MTHFD1: variants seen among roughly 807,000 people sequenced by gnomAD.
MTHFD1 encodes C-1-tetrahydrofolate synthase, cytoplasmic.
A neutral mutation model predicts 110.3 loss-of-function variants in MTHFD1; 44 were observed. That is an observed-to-expected ratio of 0.40 (90% CI 0.31 to 0.51). The LOEUF (loss-of-function observed/expected upper bound fraction) is 0.51. Among genes scored for constraint, MTHFD1 ranks in the 20% least tolerant of loss-of-function variants. MTHFD1 has a pLI of 0.60. For synonymous variants in MTHFD1, 402 were observed against 428.8 expected (o/e 0.94, Z 0.77); for missense variants, 909 against 1,173.1 (o/e 0.77, Z 3.29).
Position 64,417,958 on chromosome 14 carries a change from C to T in MTHFD1, c.549C>T (p.Asp183=). Residue 183 remains aspartate (D), a synonymous_variant, in exon 7 of 28, where the codon GAC becomes GAT. Transcript: ENST00000652337. This position sits in a 1 kb window ranked among gnomAD's most constrained non-coding sequence, Gnocchi z 4.4. Reference sequence around the variant, plus strand: ...AAATAGTTGGGGCCCCGATGCATGACTTGCTTCTGTGGAACAATGCCACAG... The same window carrying T: ...AAATAGTTGGGGCCCCGATGCATGATTTGCTTCTGTGGAACAATGCCACAG... The part of the protein sequence containing the change: ...RSKIVGAPMH[D]LLLWNNATVT... The T allele has an allele frequency of 6.2e-7, 1 of 1,614,028 alleles. No individual in the cohort carries two copies. Among genetic ancestry groups the T allele is most frequent in the South Asian group, 1.1e-5 (1 of 91,072 alleles).
At position 64,449,588 on chromosome 14, in the gene MTHFD1, C is replaced by T. The variant is rs981830328; in HGVS notation, c.2423C>T (p.Ala808Val). The T allele has an allele frequency of 2.5e-6, 4 of 1,614,066 alleles. No homozygotes were observed. Among genetic ancestry groups the T allele is most frequent in the Admixed American group, 1.7e-5 (1 of 60,018 alleles). Residue 808 changes from alanine to valine, a missense_variant, in exon 24 of 28, where the codon GCA (alanine) becomes GTA (valine). Physicochemically the swap from Ala to Val is moderately conservative, Grantham distance 64. Coordinates refer to ENST00000652337, the MANE Select transcript of MTHFD1 (RefSeq NM_005956.4). ...LAQAVQRAAQ[A>V]PSSFQLLYDL... The stretch of plus-strand genomic sequence containing the variant: ...CAGGCCGTCCAGAGAGCAGCACAAG[C>T]ACCCAGCAGCTTCCAGCTCCTTTAT...
intron 24 of MTHFD1, among the ~76,000 whole-genome samples, chr14:64,453,326 CT>C (rs1212963191): frequency 6.6e-6 from 1 of 152,178 alleles, no homozygotes; most frequent in South Asian, 2.1e-4. Context: ...AATCCCAGCA[CT>C]TTGGGAGGCC....
At chr14:64,421,654 C>T (rs1367750079) in intron 8 of MTHFD1, among the ~76,000 whole-genome samples, 12 of 149,872 alleles carry the variant, frequency 8.0e-5, no homozygotes, top group South Asian at 2.1e-4. Context: ...GACGGAGTCT[C>T]GCTCTGTTGC....
chr14:64,396,841 A>C (rs904764834), intron 1 of MTHFD1, among the ~76,000 whole-genome samples: 1 of 149,268 alleles, frequency 6.7e-6, no homozygotes, highest in Non-Finnish European at 1.5e-5. Context: ...GCCGTGGCTC[A>C]CTCCTGTAAT....
At position 64,417,949 on chromosome 14, in the gene MTHFD1, G is replaced by A. The variant is rs760268952; in HGVS notation, c.540G>A (p.Pro180=). The A allele has an allele frequency of 2.4e-5, 39 of 1,613,818 alleles. No homozygotes were observed. The highest frequency in any genetic ancestry group is 1.7e-4 in the Middle Eastern group (1 of 5,962). The stretch of plus-strand genomic sequence containing the variant: ...GGCGCAGTAAAATAGTTGGGGCCCC[G>A]ATGCATGACTTGCTTCTGTGGAACA... ...VVGRSKIVGA[P]MHDLLLWNNA... is the part of the protein sequence containing the mutation. Residue 180 remains proline (P), a synonymous_variant, in exon 7 of 28, where the codon CCG becomes CCA. Transcript: ENST00000652337. This position sits in a 1 kb window ranked among gnomAD's most constrained non-coding sequence, Gnocchi z 4.4.
intron 6 of MTHFD1, 107 bp downstream of exon 6, chr14:64,415,846 G>C: frequency 8.9e-7 from 1 of 1,127,736 alleles, no homozygotes; most frequent in East Asian, 2.5e-5. Context: ...AAATGGACTT[G>C]ATTGGCAGAA....
chr14:64,399,302 A>G (rs1167167530), intron 1 of MTHFD1, among the ~76,000 whole-genome samples: 1 of 152,240 alleles, frequency 6.6e-6, no homozygotes, highest in Non-Finnish European at 1.5e-5. Context: ...TTTGAATGCC[A>G]TCAACTAATA....
At chr14:64,456,183 T>TAAGGTGGAGAGAGACACAGCCTGC (rs2078470341) in intron 26 of MTHFD1, among the ~76,000 whole-genome samples, 2 of 151,320 alleles carry the variant, frequency 1.3e-5, no homozygotes, top group Non-Finnish European at 3.0e-5. Context: ...AGTCAGGCTG[T>TAAGGTGGAGAGAGACACAGCCTGC]AAGGTGGAGA....
At chr14:64,455,981 G>C (rs1403986220) in intron 26 of MTHFD1, among the ~76,000 whole-genome samples, 1 of 152,190 alleles carries the variant, frequency 6.6e-6, no homozygotes, top group Admixed American at 6.5e-5. Context: ...CCTTGTGGTA[G>C]GAATTTTCCA....
At chr14:64,397,134 AAAAAATATATATATAT>A (rs2077857958) in intron 1 of MTHFD1, among the ~76,000 whole-genome samples, 2 of 29,360 alleles carry the variant, frequency 6.8e-5, no homozygotes, top group African/African-American at 3.0e-4. Context: ...AAAAAAAAAA[AAAAAATATATATATAT>A]ATATATATAT....
rs751140489 is a variant in MTHFD1, at chr14:64,426,072, G to A, written c.1007G>A (p.Arg336Gln). Residue 336 changes from arginine to glutamine, a missense_variant, in exon 11 of 28, where the codon CGA (arginine) becomes CAA (glutamine). This residue lies in a region of MTHFD1 where 424 missense variants were observed against 510.4 expected (regional missense o/e 0.83). Transcript: ENST00000652337. ...CKPKPIGKLA[R>Q]EIGLLSEEVE... is the part of the protein sequence containing the mutation. ...CCGAAGCCCATTGGTAAGCTGGCTC[G>A]AGAAATTGGTCTGCTGTCTGAAGAG... is the stretch of plus-strand genomic sequence containing the variant. 16 of 1,613,754 alleles carry A rather than the reference G, an allele frequency of 9.9e-6. No individual in the cohort carries two copies. The highest frequency in any genetic ancestry group is 6.7e-5 in the African/African-American group (5 of 74,910).
At chr14:64,407,544 C>CTTTTTTTTTTTTTTT (rs1252450612) in intron 2 of MTHFD1, among the ~76,000 whole-genome samples, 1 of 65,044 alleles carries the variant, frequency 1.5e-5, no homozygotes, top group Non-Finnish European at 3.9e-5. Context: ...CTCACTCTCT[C>CTTTTTTTTTTTTTTT]TCTTTTTTTT....
chr14:64,390,694 G>GCT (rs1476336978), intron 1 of MTHFD1, among the ~76,000 whole-genome samples: 1 of 150,660 alleles, frequency 6.6e-6, no homozygotes, highest in Non-Finnish European at 1.5e-5. Flanking sequence ...TGTTGCCCAG[G>GCT]CTGGAGTGCA....
rs181626919 is a variant in MTHFD1 at position 64,396,461 on chromosome 14, G to T, written c.42-4332G>T. On this transcript the variant is annotated intron_variant, in intron 1 of 27. Transcript: ENST00000652337. Reference sequence around the variant, plus strand: ...GGCTGGAGTGCAATGGCGCGATCTCGGCTCACCGCAACCTCTGCCTCCCGG... The same window carrying T: ...GGCTGGAGTGCAATGGCGCGATCTCTGCTCACCGCAACCTCTGCCTCCCGG... 2.7e-5 allele frequency among the ~76,000 whole-genome samples: 4 copies of T among 148,690 alleles called. No homozygotes were observed. In the Admixed American group the frequency reaches 2.7e-4, roughly 10 times the overall value.
At position 64,442,579 on chromosome 14, in the gene MTHFD1, G is replaced by A. The variant is rs181423904; in HGVS notation, c.2136+177G>A. 2.3e-4 allele frequency among the ~76,000 whole-genome samples: 35 copies of A among 152,326 alleles called. No individual in the cohort carries two copies. In the South Asian group the frequency reaches 2.9e-3, roughly 13 times the overall value. On this transcript the variant is annotated intron_variant, in intron 21 of 27. Transcript: ENST00000652337. Reference sequence around the variant, plus strand: ...GGCTGCCTTATCACTCACAGGCACCGTCAGCGCTCAGCATTTTAAGAGGGC... The same window carrying A: ...GGCTGCCTTATCACTCACAGGCACCATCAGCGCTCAGCATTTTAAGAGGGC...
At chr14:64,459,407 T>C (rs1459980270) in intron 27 of MTHFD1, among the ~76,000 whole-genome samples, 2 of 152,170 alleles carry the variant, frequency 1.3e-5, no homozygotes, top group African/African-American at 2.4e-5. Context: ...CAAAGGGTCA[T>C]AGTATAAAAC....
chr14:64,436,095 C>T (rs906493312), intron 16 of MTHFD1, among the ~76,000 whole-genome samples: 3 of 151,880 alleles, frequency 2.0e-5, no homozygotes, highest in African/African-American at 4.8e-5. Context: ...CTCTAGCTTA[C>T]CTAATCTTTT....
chr14:64,444,840 AGGG>A, intron 22 of MTHFD1, 106 bp downstream of exon 22: 3 of 1,237,030 alleles, frequency 2.4e-6, no homozygotes, highest in South Asian at 1.2e-5. Context: ...GCTGTGACCC[AGGG>A]TGCAGGGTGC....
intron 26 of MTHFD1, 150 bp downstream of exon 26, chr14:64,455,025 A>G (rs1318357477): frequency 6.2e-6 from 5 of 802,624 alleles, no homozygotes; most frequent in Non-Finnish European, 1.1e-5. Context: ...GTGGATCATA[A>G]GCTATAAAGC....
Sources: gnomAD v4.1 joint callset for allele counts (sites outside exome capture counted in the v4.1 genomes callset) on GRCh38, gnomAD v4.1.1 for gene constraint, gnomAD v4.1.1 regional missense constraint, Gnocchi (gnomAD v3.1) non-coding constraint, MANE v1.5 for transcripts, NCBI Gene and HGNC (gene_info 2026-07-23, HGNC 2026-07-21) for gene names.